The following EPHB1 variants were observed in gnomAD, a reference collection of about 807,000 sequenced individuals.
The protein encoded by EPHB1 is EPH receptor B1, also known as ephrin type-B receptor 1.
Under a neutral mutation model 94.4 loss-of-function variants are expected in EPHB1, and 30 were observed. The observed-to-expected ratio is 0.32, with a 90% CI of 0.24 to 0.43. EPHB1 has a LOEUF of 0.43. EPHB1 is among the 20% of genes least tolerant of loss of function. The probability of loss-of-function intolerance (pLI) is 1.00; values close to 1 mark genes in which losing one functional copy is unlikely to be tolerated. For synonymous variants in EPHB1, 522 were observed against 489.1 expected, an observed-to-expected ratio of 1.07 and a Z score of -0.89; for missense variants, 1,055 against 1,308.3, an observed-to-expected ratio of 0.81 and a Z score of 2.99.
intron 4 of EPHB1, among the ~76,000 whole-genome samples, chr3:135,128,057 G>C (rs1940274706): frequency 6.6e-6 from 1 of 152,218 alleles, no homozygotes; most frequent in African/African-American, 2.4e-5. Flanking sequence ...AGATCAGAGA[G>C]GCTTCAAAAA....
At chr3:134,874,856 G>A (rs1298291488) in intron 1 of EPHB1, among the ~76,000 whole-genome samples, 2 of 152,192 alleles carry the variant, frequency 1.3e-5, no homozygotes, top group Non-Finnish European at 2.9e-5. Flanking sequence ...CAGAGTGTGG[G>A]CCTCTTTCTC....
In EPHB1 at chr3:134,983,905, C is replaced by G. The variant is rs1934503195; in HGVS notation, c.805+31853C>G. 3.9e-5 allele frequency among the ~76,000 whole-genome samples: 6 copies of G among 152,220 alleles called. No individual in the cohort carries two copies. The South Asian group carries it at 1.0e-3, about 26-fold the overall frequency. On this transcript the variant is annotated intron_variant, in intron 3 of 15. Transcript: ENST00000398015. ...CCACCATGCTGTGTGATGGCTGCATCTTTGGTCCCCGCAATTCATCTGCAA... is the reference window on the plus strand; with the variant it reads ...CCACCATGCTGTGTGATGGCTGCATGTTTGGTCCCCGCAATTCATCTGCAA...
chr3:134,797,827 A>G (rs1160300107), intron 1 of EPHB1, among the ~76,000 whole-genome samples: 2 of 152,138 alleles, frequency 1.3e-5, no homozygotes, highest in South Asian at 2.1e-4. Context: ...TCTCTCCAGC[A>G]AGGGTTAAAA....
At chr3:135,014,904 A>C (rs1470667791) in intron 3 of EPHB1, among the ~76,000 whole-genome samples, 1 of 152,126 alleles carries the variant, frequency 6.6e-6, no homozygotes, top group African/African-American at 2.4e-5. Flanking sequence ...TTCTGGTTTT[A>C]CTTTCCTTTC....
At chr3:134,819,868 C>T (rs572808056) in intron 1 of EPHB1, among the ~76,000 whole-genome samples, 5 of 152,338 alleles carry the variant, frequency 3.3e-5, no homozygotes, top group Non-Finnish European at 7.3e-5. Flanking sequence ...TGCTCTTCTG[C>T]CTTGCTTGGG....
At chr3:134,877,217 C>T (rs2037634295) in intron 1 of EPHB1, among the ~76,000 whole-genome samples, 1 of 152,192 alleles carries the variant, frequency 6.6e-6, no homozygotes, top group Non-Finnish European at 1.5e-5. Context: ...CATTCAGGGT[C>T]ACTCCTTTGT....
At chr3:134,942,939 G>A (rs1222262824) in intron 2 of EPHB1, among the ~76,000 whole-genome samples, 2 of 152,226 alleles carry the variant, frequency 1.3e-5, no homozygotes, top group Non-Finnish European at 2.9e-5. Context: ...TTTCAAAACA[G>A]TATATTATCA....
At chr3:135,241,359 C>A in intron 13 of EPHB1, 62 bp downstream of exon 13, 2 of 1,595,380 alleles carry the variant, frequency 1.3e-6, no homozygotes, top group Admixed American at 1.7e-5. Context: ...AAGGCAGTAG[C>A]ATACCAATTC....
rs114468898 is a variant in EPHB1 at position 134,915,147 on chromosome 3, C to T, written c.59-10669C>T. On this transcript the variant is annotated intron_variant, in intron 1 of 15. Transcript: ENST00000398015. ...CAGCCCCATTTCCCAGTGTCCTAACCCTCTTGTAATTGGTTGAATTCTGTC... is the reference window on the plus strand; with the variant it reads ...CAGCCCCATTTCCCAGTGTCCTAACTCTCTTGTAATTGGTTGAATTCTGTC... 3.6e-3 allele frequency among the ~76,000 whole-genome samples: 547 copies of T among 152,242 alleles called. 4 individuals carry two copies. The highest frequency in any genetic ancestry group is 0.013 in the African/African-American group (525 of 41,528).
intron 1 of EPHB1, among the ~76,000 whole-genome samples, chr3:134,920,797 G>C (rs540930986): frequency 6.6e-6 from 1 of 152,336 alleles, no homozygotes; most frequent in Admixed American, 6.5e-5. Flanking sequence ...AGGAGGCTCA[G>C]ACCTGGCCCC....
chr3:134,972,482 C>G (rs1390868961), intron 3 of EPHB1, among the ~76,000 whole-genome samples: 1 of 133,276 alleles, frequency 7.5e-6, no homozygotes, highest in African/African-American at 2.7e-5. Flanking sequence ...TAAATATATA[C>G]TATACATTAT....
At chr3:135,079,381 G>A (rs957698812) in intron 3 of EPHB1, among the ~76,000 whole-genome samples, 1 of 152,168 alleles carries the variant, frequency 6.6e-6, no homozygotes, top group African/African-American at 2.4e-5. Flanking sequence ...TTATCCAATT[G>A]AGGCCCATAC....
chr3:135,129,652 G>C (rs1940349072), intron 4 of EPHB1, among the ~76,000 whole-genome samples: 1 of 152,206 alleles, frequency 6.6e-6, no homozygotes, highest in Admixed American at 6.5e-5. Flanking sequence ...GGATGACAAA[G>C]AGGAAGAGAC....
At chr3:135,196,259 C>T (rs900197494) in intron 11 of EPHB1, among the ~76,000 whole-genome samples, 47 of 151,558 alleles carry the variant, frequency 3.1e-4, no homozygotes, top group Non-Finnish European at 5.0e-4. Flanking sequence ...GAGTAGGTTG[C>T]GAAAATTTTC....
intron 3 of EPHB1, among the ~76,000 whole-genome samples, chr3:135,046,439 A>T (rs1239763198): frequency 6.6e-6 from 1 of 152,094 alleles, no homozygotes; most frequent in African/African-American, 2.4e-5. Context: ...GAATGGGATA[A>T]TGCATGTTTG....
intron 3 of EPHB1, among the ~76,000 whole-genome samples, chr3:134,993,412 C>G (rs1292072323): frequency 6.6e-6 from 1 of 152,180 alleles, no homozygotes; most frequent in Non-Finnish European, 1.5e-5. Flanking sequence ...CAGAGGACAA[C>G]TTTATGATCC....
At chr3:134,904,655 T>C (rs2038280240) in intron 1 of EPHB1, among the ~76,000 whole-genome samples, 1 of 152,154 alleles carries the variant, frequency 6.6e-6, no homozygotes, top group Non-Finnish European at 1.5e-5. Context: ...CTGAGAGATT[T>C]TGGCACACAC....
chr3:134,903,793 A>G (rs905026660), intron 1 of EPHB1, among the ~76,000 whole-genome samples: 1 of 152,220 alleles, frequency 6.6e-6, no homozygotes, highest in African/African-American at 2.4e-5. Flanking sequence ...GTTATTAAAA[A>G]TTGCTTGGTG....
chr3:134,864,258 A>G (rs966961680), intron 1 of EPHB1, among the ~76,000 whole-genome samples: 24 of 152,066 alleles, frequency 1.6e-4, no homozygotes, highest in African/African-American at 5.6e-4. Context: ...AAACATGCTC[A>G]GCCATCCTAG....
Sources: gnomAD v4.1 joint callset for allele counts (sites outside exome capture counted in the v4.1 genomes callset) on GRCh38, gnomAD v4.1.1 for gene constraint, MANE v1.5 for transcripts, NCBI Gene and HGNC (gene_info 2026-07-23, HGNC 2026-07-21) for gene names.